CHIA: variants seen among roughly 807,000 people sequenced by gnomAD.
The protein encoded by CHIA is chitinase acidic.
CHIA carries 47 observed loss-of-function variants against 53.5 expected under a neutral mutation model. The observed-to-expected ratio is 0.88, with a 90% CI of 0.70 to 1.12. CHIA has a LOEUF of 1.12. Among genes scored for constraint, CHIA ranks in the 50% most tolerant of loss-of-function variants. The probability of loss-of-function intolerance (pLI) is 0.00; values close to 1 mark genes in which losing one functional copy is unlikely to be tolerated. For missense variants in CHIA, 652 were observed against 592.2 expected, an observed-to-expected ratio of 1.10 and a Z score of -1.05; for synonymous variants, 268 against 222.2, an observed-to-expected ratio of 1.21 and a Z score of -1.83.
At chr1:111,317,849 G>T (rs200035540) in intron 7 of CHIA, 44 bp downstream of exon 7, 1 of 1,613,096 alleles carries the variant, frequency 6.2e-7, no homozygotes, top group Non-Finnish European at 8.5e-7. Context: ...GGTGTCACTC[G>T]GGCACACTAG....
rs1249172172 is a variant in CHIA at position 111,312,405 on chromosome 1, G to A, written c.257+14G>A. ...CCTGAAAAATAAGTAGGATGAGGGA[G>A]ATATTTAATTTGGCATCCCCTTTTT... On this transcript the variant is annotated intron_variant, in intron 4 of 11. Transcript: ENST00000369740. 1 of 1,602,484 alleles carries A rather than the reference G, an allele frequency of 6.2e-7. No individual in the cohort carries two copies. Among genetic ancestry groups the A allele is most frequent in the African/African-American group, 1.3e-5 (1 of 74,774 alleles).
chr1:111,307,223 T>A (rs1027687643), intron 1 of CHIA, among the ~76,000 whole-genome samples: 20 of 152,014 alleles, frequency 1.3e-4, no homozygotes, highest in Admixed American at 2.0e-4. Flanking sequence ...ATAAAAAGGA[T>A]AAGTAAATCA....
intron 1 of CHIA, among the ~76,000 whole-genome samples, chr1:111,294,147 T>A (rs1305447317): frequency 6.6e-6 from 1 of 152,162 alleles, no homozygotes; most frequent in Non-Finnish European, 1.5e-5. Context: ...AATCTGTACA[T>A]CATTTGGGTA....
At chr1:111,309,283 T>C (rs1160813325) in intron 1 of CHIA, among the ~76,000 whole-genome samples, 1 of 152,218 alleles carries the variant, frequency 6.6e-6, no homozygotes, top group Non-Finnish European at 1.5e-5. Flanking sequence ...ATGGATACAA[T>C]TTAGTTTCCA....
chr1:111,319,304 T>C (rs1349708117), intron 10 of CHIA, 23 bp from the exon 11 acceptor site: 2 of 1,614,194 alleles, frequency 1.2e-6, no homozygotes, highest in Non-Finnish European at 8.5e-7. Context: ...AAGTGATTCC[T>C]GTTATCCTCT....
At chr1:111,297,641 T>C (rs559425553) in intron 1 of CHIA, among the ~76,000 whole-genome samples, 3 of 152,230 alleles carry the variant, frequency 2.0e-5, no homozygotes, top group Admixed American at 6.5e-5. Flanking sequence ...GTAAAGACCA[T>C]TGATGCTATG....
chr1:111,320,175 C>T, intron 11 of CHIA, 38 bp from the exon 12 acceptor site: 1 of 1,591,546 alleles, frequency 6.3e-7, no homozygotes, highest in South Asian at 1.1e-5. Flanking sequence ...GAGCCTCTCC[C>T]AAGCCCACTA....
rs143107428 is a variant in CHIA, at chr1:111,318,588, C to A, written c.825C>A (p.Asn275Lys). Residue 275 changes from asparagine (N) to lysine (K), a missense_variant, in exon 9 of 12, where the codon AAC becomes AAA. Transcript: ENST00000369740. ...PTYGHNFILS[N>K]PSNTGIGAPT... ...ATGGACACAACTTCATCCTGAGCAA[C>A]CCCTCCAACACTGGAATTGGTGCCC... 8 of 1,614,084 alleles carry A rather than the reference C, an allele frequency of 5.0e-6. No individual in the cohort carries two copies. The highest frequency in any genetic ancestry group is 1.6e-4 in the Middle Eastern group (1 of 6,084).
intron 8 of CHIA, 49 bp from the exon 9 acceptor site, chr1:111,318,444 C>A: frequency 6.7e-7 from 1 of 1,490,684 alleles, no homozygotes; most frequent in Non-Finnish European, 9.3e-7. Context: ...TAACTAAGTA[C>A]TGGGTCCTCA....
chr1:111,317,716 G>C lies in CHIA; in HGVS notation c.516G>C (p.Gln172His), dbSNP rs560538725. The change falls in exon 7 of 12, where the codon CAG (glutamine) becomes CAC (histidine). Residue 172 changes from glutamine to histidine, a missense_variant. By Grantham distance (24) the Gln-to-His change is conservative. Coordinates refer to ENST00000369740, the MANE Select transcript of CHIA (RefSeq NM_201653.4). ...MREAFEQEAK[Q>H]INKPRLMVTA... ...AAGCTTTTGAGCAGGAGGCCAAGCA[G>C]ATCAACAAGCCCAGGCTGATGGTCA... 5 of 1,614,126 alleles carry C rather than the reference G, an allele frequency of 3.1e-6. No individual in the cohort carries two copies. In the South Asian group the frequency reaches 5.5e-5, roughly 18 times the overall value.
chr1:111,293,198 C>G (rs1224760147), intron 1 of CHIA, among the ~76,000 whole-genome samples: 1 of 152,142 alleles, frequency 6.6e-6, no homozygotes, highest in East Asian at 1.9e-4. Flanking sequence ...ACATTCCCAC[C>G]AACAGGGCAC....
intron 1 of CHIA, among the ~76,000 whole-genome samples, chr1:111,306,167 TAATTCCAATCAA>T (rs776677871): frequency 2.6e-5 from 4 of 152,220 alleles, no homozygotes; most frequent in Non-Finnish European, 5.9e-5. Flanking sequence ...TTATTCCATG[TAATTCCAATCAA>T]AATTCCAATG....
chr1:111,293,189 C>T (rs1352862635), intron 1 of CHIA, among the ~76,000 whole-genome samples: 1 of 152,180 alleles, frequency 6.6e-6, no homozygotes, highest in Non-Finnish European at 1.5e-5. Flanking sequence ...TACCGTTTTA[C>T]ATTCCCACCA....
chr1:111,308,413 C>T (rs749003688), intron 1 of CHIA, among the ~76,000 whole-genome samples: 6 of 152,222 alleles, frequency 3.9e-5, no homozygotes, highest in Non-Finnish European at 7.3e-5. Flanking sequence ...GGGCCAAAAG[C>T]TTGCGTACTT....
chr1:111,308,522 A>G (rs1365756879), intron 1 of CHIA, among the ~76,000 whole-genome samples: 1 of 152,204 alleles, frequency 6.6e-6, no homozygotes, highest in Non-Finnish European at 1.5e-5. Flanking sequence ...TAAAAGAAAC[A>G]ATAAAGTCAA....
chr1:111,293,450 T>A (rs1050092153), intron 1 of CHIA, among the ~76,000 whole-genome samples: 2 of 152,026 alleles, frequency 1.3e-5, no homozygotes, highest in African/African-American at 2.4e-5. Flanking sequence ...TGTGTGTGTG[T>A]CATTGAATTT....
chr1:111,294,051 G>A (rs545202055), intron 1 of CHIA, among the ~76,000 whole-genome samples: 1 of 151,524 alleles, frequency 6.6e-6, no homozygotes, highest in East Asian at 1.9e-4. Flanking sequence ...CACTGCACTC[G>A]AGCCTGGGTG....
At chr1:111,297,973 A>C (rs2101607313) in intron 1 of CHIA, among the ~76,000 whole-genome samples, 1 of 151,960 alleles carries the variant, frequency 6.6e-6, no homozygotes, top group African/African-American at 2.4e-5. Flanking sequence ...ACTTTAAACC[A>C]GCAAAAATCA....
At chr1:111,318,783 C>A in intron 9 of CHIA, 105 bp downstream of exon 9, 1 of 1,267,686 alleles carries the variant, frequency 7.9e-7, no homozygotes, top group Non-Finnish European at 1.1e-6. Flanking sequence ...TACCTAAATG[C>A]TTTAAACACA....
Sources: allele counts gnomAD v4.1 joint callset (sites outside exome capture counted in the v4.1 genomes callset), GRCh38; gene constraint gnomAD v4.1.1; transcripts MANE v1.5; gene names NCBI Gene and HGNC (gene_info 2026-07-23, HGNC 2026-07-21).